Variants in FBXL2 observed in about 807,000 individuals in gnomAD.
FBXL2 encodes F-box/LRR-repeat protein 2.
A neutral mutation model predicts 69.2 loss-of-function variants in FBXL2; 38 were observed. The ratio of observed to expected loss-of-function variants is 0.55; its 90% confidence interval spans 0.42 to 0.72. The LOEUF is 0.72. Ranked by LOEUF, FBXL2 falls within the 30% of genes least tolerant of loss-of-function variation. The pLI, the probability that FBXL2 is intolerant of heterozygous loss-of-function variation, is 0.00. For synonymous variants in FBXL2, 192 were observed against 201.3 expected (o/e 0.95, Z 0.39); for missense variants, 354 against 520.3 (o/e 0.68, Z 3.11).
In FBXL2 at chr3:33,345,087, C is replaced by T. The variant is rs1391957747; in HGVS notation, c.66-13880C>T. Among the ~76,000 whole-genome samples the T allele has an allele frequency of 2.6e-5, 4 of 152,220 alleles. No homozygotes were observed. In the East Asian group the frequency reaches 7.7e-4, roughly 29 times the overall value. Reference sequence around the variant, plus strand: ...AAAGAACATTTACTATATTCATTTTCTATGTCTGCTTTAACAAATTGCCAC... The same window carrying T: ...AAAGAACATTTACTATATTCATTTTTTATGTCTGCTTTAACAAATTGCCAC... On this transcript the variant is annotated intron_variant, in intron 2 of 14. Coordinates refer to ENST00000484457, the MANE Select transcript of FBXL2 (RefSeq NM_012157.5).
chr3:33,390,733 G>A (rs2043729405), downstream of FBXL2: 1 of 231,266 alleles, frequency 4.3e-6, no homozygotes, highest in Non-Finnish European at 8.6e-6. Flanking sequence ...CAGAGGACCT[G>A]AGGGAGTAAA....
intron 2 of FBXL2, among the ~76,000 whole-genome samples, chr3:33,318,899 C>T (rs897100792): frequency 6.6e-6 from 1 of 152,154 alleles, no homozygotes; most frequent in Admixed American, 6.5e-5. Context: ...GGCTAGATCT[C>T]AGTTACATGG....
chr3:33,373,842 C>T lies in FBXL2; in HGVS notation c.583-5C>T. 1 of 1,614,192 alleles carries T rather than the reference C, an allele frequency of 6.2e-7. No homozygotes were observed. The highest frequency in any genetic ancestry group is 8.5e-7 in the Non-Finnish European group (1 of 1,180,016). The stretch of plus-strand genomic sequence containing the variant: ...AGCTGTCTTTTGTTTTCTCTGTCCA[C>T]TCAGTTAGAAGATGAAGCTCTGAAA... On this transcript the variant is annotated splice_region_variant and splice_polypyrimidine_tract_variant and intron_variant, in intron 8 of 14. Coordinates refer to ENST00000484457, the MANE Select transcript of FBXL2 (RefSeq NM_012157.5).
At chr3:33,329,664 A>G (rs557150837) in intron 2 of FBXL2, among the ~76,000 whole-genome samples, 1 of 152,360 alleles carries the variant, frequency 6.6e-6, no homozygotes, top group East Asian at 1.9e-4. Flanking sequence ...AAGTACAGAA[A>G]GACAAATATT....
At chr3:33,378,859 A>C in intron 13 of FBXL2, 118 bp downstream of exon 13, 1 of 1,568,692 alleles carries the variant, frequency 6.4e-7, no homozygotes, top group Admixed American at 1.9e-5. Context: ...GATTTCAAAA[A>C]TCTATTAATT....
the FBXL2 span, chr3:33,409,183 A>C: frequency 3.9e-6 from 6 of 1,538,936 alleles, no homozygotes; most frequent in Non-Finnish European, 5.4e-6. Flanking sequence ...TTAGAAATAG[A>C]CTAATATGCA....
chr3:33,359,868 C>G (rs1328407147), intron 4 of FBXL2, among the ~76,000 whole-genome samples: 2 of 151,970 alleles, frequency 1.3e-5, no homozygotes, highest in African/African-American at 2.4e-5. Flanking sequence ...TTATTATATA[C>G]AGAATATATA....
chr3:33,286,488 G>A (rs2034628375), intron 1 of FBXL2, among the ~76,000 whole-genome samples: 1 of 152,310 alleles, frequency 6.6e-6, no homozygotes, highest in East Asian at 1.9e-4. Flanking sequence ...AGGGGTCAGG[G>A]ACCCACTTGA....
the FBXL2 span, among the ~76,000 whole-genome samples, chr3:33,416,380 G>A: frequency 6.6e-6 from 1 of 152,184 alleles, no homozygotes; most frequent in Non-Finnish European, 1.5e-5. Flanking sequence ...CATGAGTAGG[G>A]TGAACAGAGA....
chr3:33,422,591 G>A, the FBXL2 span, among the ~76,000 whole-genome samples: 1 of 151,958 alleles, frequency 6.6e-6, no homozygotes, highest in Non-Finnish European at 1.5e-5. Flanking sequence ...CAGGCATGGT[G>A]TCCTGTGCCT....
At chr3:33,332,001 G>A (rs2039202131) in intron 2 of FBXL2, among the ~76,000 whole-genome samples, 1 of 151,976 alleles carries the variant, frequency 6.6e-6, no homozygotes, top group African/African-American at 2.4e-5. Flanking sequence ...AAACAATAGT[G>A]GCTGCAATTT....
chr3:33,353,664 G>A (rs1256101014), intron 2 of FBXL2, among the ~76,000 whole-genome samples: 1 of 152,212 alleles, frequency 6.6e-6, no homozygotes, highest in African/African-American at 2.4e-5. Flanking sequence ...CAAGGCAGGA[G>A]AATTGCTTAA....
At chr3:33,384,994 C>T (rs2043322069) in intron 14 of FBXL2, among the ~76,000 whole-genome samples, 1 of 152,112 alleles carries the variant, frequency 6.6e-6, no homozygotes, top group South Asian at 2.1e-4. Context: ...CGCCATTGCA[C>T]TCCAGCCTGG....
intron 2 of FBXL2, among the ~76,000 whole-genome samples, chr3:33,323,717 G>A (rs1055922740): frequency 4.6e-5 from 7 of 152,108 alleles, no homozygotes; most frequent in Admixed American, 1.3e-4. Flanking sequence ...ACTGATGGGC[G>A]TTTGGGTTGG....
chr3:33,377,596 T>C (rs866221602), intron 11 of FBXL2, among the ~76,000 whole-genome samples: 6 of 152,166 alleles, frequency 3.9e-5, no homozygotes, highest in African/African-American at 1.4e-4. Context: ...CCATTCCTCA[T>C]TGGACCCCAA....
intron 12 of FBXL2, chr3:33,400,406 A>T: frequency 1.6e-6 from 1 of 627,226 alleles, no homozygotes; most frequent in Non-Finnish European, 2.6e-6. Flanking sequence ...GTCTGACTCC[A>T]GCAACCCAAA....
At chr3:33,329,218 C>T (rs2038961980) in intron 2 of FBXL2, among the ~76,000 whole-genome samples, 1 of 152,118 alleles carries the variant, frequency 6.6e-6, no homozygotes, top group Non-Finnish European at 1.5e-5. Flanking sequence ...AATGAGGTAT[C>T]ACCTCACCCC....
At chr3:33,417,681 C>CA in the FBXL2 span, among the ~76,000 whole-genome samples, 22 of 152,016 alleles carry the variant, frequency 1.4e-4, 1 homozygote, top group Non-Finnish European at 4.4e-5. Context: ...TCCAAATCCA[C>CA]AAAAAATGAT....
At chr3:33,336,246 A>C (rs148215814) in intron 2 of FBXL2, among the ~76,000 whole-genome samples, 1 of 152,318 alleles carries the variant, frequency 6.6e-6, no homozygotes, top group East Asian at 1.9e-4. Context: ...TGTGAGGAAA[A>C]ATACATAATT....
Sources: gnomAD v4.1 joint callset for allele counts (sites outside exome capture counted in the v4.1 genomes callset) on GRCh38, gnomAD v4.1.1 for gene constraint, MANE v1.5 for transcripts, NCBI Gene and HGNC (gene_info 2026-07-23, HGNC 2026-07-21) for gene names.